Variants in BICD1 observed in about 807,000 individuals in gnomAD.
BICD1 encodes the protein BICD cargo adaptor 1, also known as protein bicaudal D homolog 1.
A neutral mutation model predicts 92.5 loss-of-function variants in BICD1; 35 were observed. That is an observed-to-expected ratio of 0.38 (90% CI 0.29 to 0.50). The LOEUF is 0.50. Among genes scored for constraint, BICD1 ranks in the 20% least tolerant of loss-of-function variants. The probability of loss-of-function intolerance (pLI) is 0.93; values close to 1 mark genes in which losing one functional copy is unlikely to be tolerated. For synonymous variants in BICD1, 429 were observed against 465.1 expected (o/e 0.92, Z 1.00); for missense variants, 950 against 1,189.8 (o/e 0.80, Z 2.97).
intron 1 of BICD1, among the ~76,000 whole-genome samples, chr12:32,121,116 G>A (rs1003886971): frequency 6.6e-6 from 1 of 151,802 alleles, no homozygotes; most frequent in East Asian, 2.0e-4. Context: ...TTACAGGCGT[G>A]TGCCACCATG....
At chr12:32,192,023 T>C (rs1944583260) in intron 1 of BICD1, among the ~76,000 whole-genome samples, 1 of 152,188 alleles carries the variant, frequency 6.6e-6, no homozygotes, top group Admixed American at 6.5e-5. Flanking sequence ...TGATTAAGCT[T>C]AGTGAAGAAG....
At chr12:32,244,315 C>A (rs2136088809) in intron 2 of BICD1, among the ~76,000 whole-genome samples, 1 of 152,244 alleles carries the variant, frequency 6.6e-6, no homozygotes, top group South Asian at 2.1e-4. Flanking sequence ...TCTCTCTTTG[C>A]CTTTCCCCTT....
At chr12:32,149,916 A>G (rs1466590706) in intron 1 of BICD1, among the ~76,000 whole-genome samples, 1 of 152,186 alleles carries the variant, frequency 6.6e-6, no homozygotes, top group East Asian at 1.9e-4. Flanking sequence ...TCATGCTGCT[A>G]ATAAAGACAT....
intron 1 of BICD1, among the ~76,000 whole-genome samples, chr12:32,115,003 G>A (rs1024717184): frequency 1.3e-5 from 2 of 151,482 alleles, no homozygotes; most frequent in African/African-American, 4.8e-5. Flanking sequence ...ATTTAAGTGG[G>A]TTTTTTTCCT....
At chr12:32,300,144 C>T (rs921353945) in intron 3 of BICD1, among the ~76,000 whole-genome samples, 3 of 152,000 alleles carry the variant, frequency 2.0e-5, no homozygotes, top group Non-Finnish European at 4.4e-5. Context: ...CTCTGTCGCC[C>T]AGGCTGGAGT....
At chr12:32,335,065 G>A in intron 6 of BICD1, among the ~76,000 whole-genome samples, 1 of 152,022 alleles carries the variant, frequency 6.6e-6, no homozygotes, top group East Asian at 1.9e-4. Flanking sequence ...GTACATGAAA[G>A]TATATAAAAG....
At chr12:32,243,705 C>A (rs11051871) in intron 2 of BICD1, among the ~76,000 whole-genome samples, 7,248 of 152,122 alleles carry the variant, frequency 0.048, 287 homozygotes, top group East Asian at 0.2. Context: ...TTTAAATGTA[C>A]TGATTGTTTC....
chr12:32,302,906 G>A (rs1309011454), intron 3 of BICD1, among the ~76,000 whole-genome samples: 16 of 108,382 alleles, frequency 1.5e-4, no homozygotes, highest in South Asian at 3.1e-4. Context: ...TTGCCTTAGA[G>A]GCATCTTTTG....
rs200761672 is a variant in BICD1, at chr12:32,216,297, G to A, written c.264G>A (p.Glu88=). The change falls in exon 2 of 10, where the codon GAG becomes GAA. Residue 88 remains glutamate (E), a synonymous_variant. Coordinates refer to ENST00000652176, the MANE Select transcript of BICD1 (RefSeq NM_001714.4). ...ACCGGAAGGTTGCTGAAGATGGAGA[G>A]ACTCGGGAGGAAACGCTTCTGCAGG... ...SIHRKVAEDG[E]TREETLLQES... 15 of 1,614,092 alleles carry A rather than the reference G, an allele frequency of 9.3e-6. No homozygotes were observed. The highest frequency in any genetic ancestry group is 1.3e-5 in the Non-Finnish European group (15 of 1,180,024).
chr12:32,142,109 TAA>T (rs1942941545), intron 1 of BICD1, among the ~76,000 whole-genome samples: 1 of 152,020 alleles, frequency 6.6e-6, no homozygotes, highest in African/African-American at 2.4e-5. Context: ...TATGTCAACA[TAA>T]AAGTTTATTG....
At chr12:32,144,307 G>C (rs1943040315) in intron 1 of BICD1, among the ~76,000 whole-genome samples, 1 of 152,078 alleles carries the variant, frequency 6.6e-6, no homozygotes. Context: ...ATATATAGAG[G>C]CTTGAGTTCT....
chr12:32,190,211 A>G (rs145730530), intron 1 of BICD1, among the ~76,000 whole-genome samples: 518 of 152,350 alleles, frequency 3.4e-3, no homozygotes, highest in South Asian at 0.011. Flanking sequence ...ATGAACTGCA[A>G]AACAAAACAA....
At chr12:32,221,345 C>CA (rs1366542182) in intron 2 of BICD1, among the ~76,000 whole-genome samples, 54 of 134,556 alleles carry the variant, frequency 4.0e-4, no homozygotes, top group East Asian at 3.0e-4. Context: ...ATCTGTATCA[C>CA]AAAAAATAAA....
intron 2 of BICD1, among the ~76,000 whole-genome samples, chr12:32,258,394 CTATTATTT>C (rs1477795989): frequency 4.6e-5 from 7 of 152,064 alleles, no homozygotes; most frequent in African/African-American, 1.7e-4. Context: ...ATTTGATATG[CTATTATTT>C]TAAAGTAATA....
At chr12:32,164,347 GC>G (rs1943690151) in intron 1 of BICD1, among the ~76,000 whole-genome samples, 1 of 152,142 alleles carries the variant, frequency 6.6e-6, no homozygotes, top group Admixed American at 6.5e-5. Context: ...ATGCTATTAT[GC>G]CCCAATTCTC....
At chr12:32,132,550 G>A (rs918569035) in intron 1 of BICD1, among the ~76,000 whole-genome samples, 1 of 152,094 alleles carries the variant, frequency 6.6e-6, no homozygotes, top group Non-Finnish European at 1.5e-5. Flanking sequence ...GGCTCAATGC[G>A]GGACGGTTAG....
intron 8 of BICD1, among the ~76,000 whole-genome samples, chr12:32,345,389 A>C (rs1418177999): frequency 2.0e-5 from 3 of 152,174 alleles, no homozygotes; most frequent in East Asian, 3.8e-4. Flanking sequence ...TGGTTCAAAA[A>C]TTTTAAAGTA....
intron 5 of BICD1, among the ~76,000 whole-genome samples, chr12:32,331,551 A>AT (rs1287471438): frequency 6.6e-6 from 1 of 152,206 alleles, no homozygotes; most frequent in Non-Finnish European, 1.5e-5. Context: ...AGGTCCAAAC[A>AT]TGAAATTTAC....
Position 32,179,015 on chromosome 12 carries a change from A to G in BICD1, c.214-37232A>G, listed in dbSNP as rs367686997. 8.5e-5 allele frequency among the ~76,000 whole-genome samples: 13 copies of G among 152,184 alleles called. No individual in the cohort carries two copies. In the East Asian group the frequency reaches 2.5e-3, roughly 29 times the overall value. ...GTTAAAACAGCATTGCACTTTTAAC[A>G]GAGCGGCCACCTTTTTCCACATACG... On this transcript the variant is annotated intron_variant, in intron 1 of 9. Coordinates refer to ENST00000652176, the MANE Select transcript of BICD1 (RefSeq NM_001714.4).
Sources: allele counts gnomAD v4.1 joint callset (sites outside exome capture counted in the v4.1 genomes callset), GRCh38; gene constraint gnomAD v4.1.1; transcripts MANE v1.5; gene names NCBI Gene and HGNC (gene_info 2026-07-23, HGNC 2026-07-21).